The following SLC22A16 variants were observed in gnomAD, a reference collection of about 807,000 sequenced individuals.
SLC22A16 encodes the protein WUGSC:RG331P03.1.
Under a neutral mutation model 52.9 loss-of-function variants are expected in SLC22A16, and 53 were observed. The ratio of observed to expected loss-of-function variants is 1.00; its 90% CI spans 0.80 to 1.26. SLC22A16 has a LOEUF of 1.26. SLC22A16 is among the 50% of genes most tolerant of loss of function. The pLI is 0.00. For synonymous variants in SLC22A16, 291 were observed against 268.8 expected (o/e 1.08, Z -0.81); for missense variants, 726 against 704.0 (o/e 1.03, Z -0.35).
intron 1 of SLC22A16, among the ~76,000 whole-genome samples, chr6:110,461,609 G>A (rs1335668330): frequency 6.6e-6 from 1 of 152,106 alleles, no homozygotes; most frequent in Non-Finnish European, 1.5e-5. Context: ...AGCTTCCTGA[G>A]ACCTCCACAC....
intron 2 of SLC22A16, among the ~76,000 whole-genome samples, chr6:110,448,562 C>T (rs1775261433): frequency 6.6e-6 from 1 of 152,204 alleles, no homozygotes; most frequent in Admixed American, 6.5e-5. Flanking sequence ...ACACTTCAGC[C>T]TTCTTTGCTC....
In SLC22A16 at chr6:110,454,724, A is replaced by AT. The variant is rs1280471803; in HGVS notation, c.533+1813dup. Among the ~76,000 whole-genome samples the AT allele has an allele frequency of 5.8e-4, 43 of 74,346 alleles. 2 individuals carry two copies. The highest frequency in any genetic ancestry group is 2.3e-3 in the African/African-American group (41 of 17,454). The allele number at this position is 74,346 out of a possible 152,430, so 48.8% of individuals were successfully genotyped here. ...TTTTTTGTATATATATTTTATATAT[A>AT]TTATATGTACATATAATATATATAT... On this transcript the variant is annotated intron_variant, in intron 2 of 7. Transcript: ENST00000368919.
intron 2 of SLC22A16, among the ~76,000 whole-genome samples, chr6:110,448,373 G>A (rs987011942): frequency 6.6e-6 from 1 of 152,068 alleles, no homozygotes; most frequent in African/African-American, 2.4e-5. Flanking sequence ...AGTTGTAAGA[G>A]CTCTTTATAT....
intron 1 of SLC22A16, among the ~76,000 whole-genome samples, chr6:110,473,613 C>T (rs1341296887): frequency 7.2e-6 from 1 of 138,884 alleles, no homozygotes; most frequent in Non-Finnish European, 1.5e-5. Context: ...CAAGCTCTGC[C>T]TCCTGGGTTC....
chr6:110,470,571 C>A (rs1330827257), intron 1 of SLC22A16, among the ~76,000 whole-genome samples: 1 of 152,178 alleles, frequency 6.6e-6, no homozygotes, highest in East Asian at 1.9e-4. Flanking sequence ...TTTCTACCTT[C>A]CTGGCCTCAG....
Position 110,431,175 on chromosome 6 carries a change from G to A in SLC22A16, c.1517C>T (p.Pro506Leu), listed in dbSNP as rs566867213. The change falls in exon 7 of 8, where the codon CCA becomes CTA. Residue 506 changes from proline to leucine, a missense_variant. By Grantham distance (98) the Pro-to-Leu change is moderately conservative. Coordinates refer to ENST00000368919, the MANE Select transcript of SLC22A16 (RefSeq NM_033125.4). ...VDLSSIWIFI[P>L]QLFVGTMALL... Reference sequence around the variant, plus strand: ...GGTCTGCAAACTGAAGCACACCTGTGGTATGAAGATCCAAATGCTGCTGAG... The same window carrying A: ...GGTCTGCAAACTGAAGCACACCTGTAGTATGAAGATCCAAATGCTGCTGAG... 59 of 1,613,580 alleles carry A rather than the reference G, an allele frequency of 3.7e-5. No individual in the cohort carries two copies. The highest frequency in any genetic ancestry group is 4.7e-5 in the Non-Finnish European group (55 of 1,179,822).
intron 6 of SLC22A16, among the ~76,000 whole-genome samples, chr6:110,435,594 A>G (rs1774690962): frequency 6.6e-6 from 1 of 152,244 alleles, no homozygotes; most frequent in Admixed American, 6.5e-5. Flanking sequence ...ACAGAGACTC[A>G]GTGGAAGTCT....
At chr6:110,437,713 G>C (rs1273638883) in intron 5 of SLC22A16, among the ~76,000 whole-genome samples, 1 of 152,130 alleles carries the variant, frequency 6.6e-6, no homozygotes, top group Non-Finnish European at 1.5e-5. Context: ...GTGACATTTT[G>C]CAAATCAAGA....
intron 1 of SLC22A16, 30 bp downstream of exon 1, chr6:110,476,492 G>A (rs749287612): frequency 3.7e-6 from 2 of 533,372 alleles, no homozygotes; most frequent in Non-Finnish European, 2.9e-6. Flanking sequence ...GCCGCCTCCC[G>A]CGTGGCGCCG....
chr6:110,448,733 G>C (rs1467070405), intron 2 of SLC22A16, among the ~76,000 whole-genome samples: 1 of 152,168 alleles, frequency 6.6e-6, no homozygotes, highest in Admixed American at 6.5e-5. Context: ...ATCTCCTGCA[G>C]AGAACAGAGA....
In SLC22A16 at chr6:110,436,098, T is replaced by C. The variant is rs567432879; in HGVS notation, c.1312-137A>G. 10 of 614,542 alleles carry C rather than the reference T, an allele frequency of 1.6e-5. No homozygotes were observed. The South Asian group carries it at 1.9e-4, about 11-fold the overall frequency. 38.1% of individuals were successfully genotyped at this position (614,542 alleles called of 1,614,324 possible). ...ACAATGAAGACCCTTATTTTTCTGT[T>C]TGAATGTATTAAACTCTACTCACAG... On this transcript the variant is annotated intron_variant, in intron 5 of 7. Transcript: ENST00000368919.
At chr6:110,454,685 T>TATA (rs1554226837) in intron 2 of SLC22A16, among the ~76,000 whole-genome samples, 3 of 69,908 alleles carry the variant, frequency 4.3e-5, no homozygotes, top group African/African-American at 2.3e-4. Flanking sequence ...ATTATATATT[T>TATA]TATATTATAT....
chr6:110,455,568 C>T (rs1775616170), intron 2 of SLC22A16: 1 of 152,156 alleles, frequency 6.6e-6, no homozygotes, highest in South Asian at 2.1e-4. Context: ...AAGTTCATCT[C>T]TGTGCTTTGG....
At chr6:110,474,055 A>C (rs549641925) in intron 1 of SLC22A16, among the ~76,000 whole-genome samples, 2 of 152,224 alleles carry the variant, frequency 1.3e-5, no homozygotes, top group Non-Finnish European at 2.9e-5. Flanking sequence ...GCGGCATTAG[A>C]TTCTCATAGG....
intron 3 of SLC22A16, among the ~76,000 whole-genome samples, chr6:110,444,717 T>C (rs1775100492): frequency 6.6e-6 from 1 of 152,162 alleles, no homozygotes. Context: ...GACTACTGTA[T>C]TCATAATCAG....
intron 6 of SLC22A16, among the ~76,000 whole-genome samples, chr6:110,435,558 T>A (rs1774690129): frequency 1.3e-5 from 2 of 152,170 alleles, no homozygotes; most frequent in African/African-American, 4.8e-5. Context: ...GAGAGACACA[T>A]CCTGAGAAAT....
chr6:110,451,481 T>C (rs1775378598), intron 2 of SLC22A16, among the ~76,000 whole-genome samples: 1 of 152,244 alleles, frequency 6.6e-6, no homozygotes, highest in African/African-American at 2.4e-5. Flanking sequence ...ACAAGACTTC[T>C]GACTTTTGAC....
intron 1 of SLC22A16, among the ~76,000 whole-genome samples, chr6:110,469,057 T>C (rs544839270): frequency 3.3e-4 from 51 of 152,330 alleles, no homozygotes; most frequent in African/African-American, 1.2e-3. Flanking sequence ...AGAATGGCTC[T>C]CTTAAGAGAC....
At chr6:110,447,021 G>C (rs1371392682) in intron 2 of SLC22A16, 31 bp from the exon 3 acceptor site, 2 of 1,568,704 alleles carry the variant, frequency 1.3e-6, no homozygotes, top group Admixed American at 3.5e-5. Context: ...AGTGGAAGAG[G>C]AAAGGTAGAG....
Sources: gnomAD v4.1 joint callset for allele counts (sites outside exome capture counted in the v4.1 genomes callset) on GRCh38, gnomAD v4.1.1 for gene constraint, MANE v1.5 for transcripts, NCBI Gene and HGNC (gene_info 2026-07-23, HGNC 2026-07-21) for gene names.